The following RYR2 variants were observed in gnomAD, a reference collection of about 807,000 sequenced individuals.
RYR2 encodes cardiac muscle ryanodine receptor-calcium release channel.
In RYR2, 227 loss-of-function variants were observed where a neutral mutation model predicts 601.1. That is an observed-to-expected ratio of 0.38 (90% CI 0.34 to 0.42). The LOEUF is 0.42. RYR2 is among the 10% of genes least tolerant of loss of function. The pLI, the probability that RYR2 is intolerant of heterozygous loss-of-function variation, is 1.00. For missense variants in RYR2, 4,646 were observed against 6,156.5 expected (o/e 0.75, Z 8.21); for synonymous variants, 2,223 against 2,175.1 (o/e 1.02, Z -0.61).
intron 1 of RYR2, among the ~76,000 whole-genome samples, chr1:237,089,972 C>T (rs1282534896): frequency 6.6e-6 from 1 of 152,206 alleles, no homozygotes; most frequent in African/African-American, 2.4e-5. Flanking sequence ...CACAGTTCCA[C>T]ATGGCTGGGG....
At chr1:237,445,784 T>G (rs987720364) in intron 14 of RYR2, among the ~76,000 whole-genome samples, 3 of 152,062 alleles carry the variant, frequency 2.0e-5, no homozygotes, top group Non-Finnish European at 2.9e-5. Flanking sequence ...ATGACTACTT[T>G]TCCTTGTACT....
chr1:237,594,895 T>TTTTTGG (rs1559084043), intron 33 of RYR2, among the ~76,000 whole-genome samples: 2 of 18,780 alleles, frequency 1.1e-4, no homozygotes, highest in African/African-American at 3.4e-4. Flanking sequence ...GGTTTTTTTT[T>TTTTTGG]TTTTTTTTTT....
In RYR2 at chr1:237,783,895, A is replaced by G. The variant is rs1429652269; in HGVS notation, c.12183A>G (p.Ser4061=). Residue 4061 remains serine (S), a synonymous_variant, in exon 90 of 105, where the codon TCA becomes TCG. Transcript: ENST00000366574. ...AGAGCCATAAGCACTACACGCAGTC[A>G]GAAACGGAATTTCTTTTGTCTTGTG... ...AMESHKHYTQ[S]ETEFLLSCAE... is the part of the protein sequence containing the mutation. 1.2e-6 allele frequency: 2 copies of G among 1,613,648 alleles called. No homozygotes were observed. Among genetic ancestry groups the G allele is most frequent in the African/African-American group, 2.7e-5 (2 of 74,948 alleles).
At chr1:237,738,188 C>G (rs962750236) in intron 79 of RYR2, among the ~76,000 whole-genome samples, 1 of 152,058 alleles carries the variant, frequency 6.6e-6, no homozygotes, top group Admixed American at 6.6e-5. Flanking sequence ...CACTGCAGGT[C>G]CCTTGGAAGG....
intron 80 of RYR2, among the ~76,000 whole-genome samples, chr1:237,752,303 C>T (rs770874902): frequency 6.6e-6 from 1 of 152,098 alleles, no homozygotes; most frequent in Non-Finnish European, 1.5e-5. Context: ...CAGGTGCACA[C>T]CACGAAGCCT....
chr1:237,573,469 T>A (rs1672911494), intron 29 of RYR2, among the ~76,000 whole-genome samples: 2 of 150,428 alleles, frequency 1.3e-5, no homozygotes, highest in African/African-American at 4.9e-5. Flanking sequence ...GAAAGACTGA[T>A]ATGGCCATCC....
At chr1:237,270,386 T>G (rs1689559821) in intron 1 of RYR2, 111 bp from the exon 2 acceptor site, 7 of 1,433,038 alleles carry the variant, frequency 4.9e-6, no homozygotes, top group Non-Finnish European at 2.9e-6. Context: ...GTTTTTACAT[T>G]CGGCACAGAT....
At chr1:237,187,549 TCCTC>T (rs1196133417) in intron 1 of RYR2, among the ~76,000 whole-genome samples, 1 of 141,846 alleles carries the variant, frequency 7.0e-6, no homozygotes, top group Non-Finnish European at 1.5e-5. Flanking sequence ...GCTCAAGCAA[TCCTC>T]CCACCTCAGC....
At chr1:237,220,383 G>A (rs919149434) in intron 1 of RYR2, among the ~76,000 whole-genome samples, 1 of 152,180 alleles carries the variant, frequency 6.6e-6, no homozygotes, top group Non-Finnish European at 1.5e-5. Context: ...GGGGCTCTCA[G>A]GCCTGACCGG....
Position 237,770,837 on chromosome 1 carries a change from C to T in RYR2, c.11507C>T (p.Thr3836Ile), listed in dbSNP as rs1421239060. The T allele has an allele frequency of 6.4e-7, 1 of 1,554,232 alleles. No homozygotes were observed. The highest frequency in any genetic ancestry group is 1.4e-5 in the African/African-American group (1 of 73,440). Residue 3836 changes from threonine (T) to isoleucine (I), a missense_variant, in exon 85 of 105, where the codon ACC (threonine) becomes ATC (isoleucine). By Grantham distance (89) the Thr-to-Ile change is moderately conservative (BLOSUM62 -1). Transcript: ENST00000366574. The part of the protein sequence containing the change: ...GEKVLQDDEF[T>I]CDLFRFLQLL... ...AAGGTTCTGCAGGACGATGAGTTCA[C>T]CTGTGACCTCTTCCGATTCCTGCAA...
At chr1:237,401,708 T>C (rs770796629) in intron 10 of RYR2, among the ~76,000 whole-genome samples, 1 of 152,224 alleles carries the variant, frequency 6.6e-6, no homozygotes, top group Non-Finnish European at 1.5e-5. Flanking sequence ...CATTCGATCA[T>C]AGGCTACATG....
chr1:237,680,294 G>C (rs548388322), intron 61 of RYR2, among the ~76,000 whole-genome samples, 162 bp from the exon 62 acceptor site: 1 of 152,094 alleles, frequency 6.6e-6, no homozygotes, highest in African/African-American at 2.4e-5. Flanking sequence ...GGCTGGAGAC[G>C]GTAGAGTGAG....
intron 3 of RYR2, among the ~76,000 whole-genome samples, chr1:237,345,890 A>C (rs1698264106): frequency 6.6e-6 from 1 of 151,964 alleles, no homozygotes; most frequent in African/African-American, 2.4e-5. Flanking sequence ...TCCCAAATGA[A>C]ATTACTTGTG....
At chr1:237,383,417 G>GTTTTTTTTTTTTTTTTTTT (rs10567644) in intron 8 of RYR2, among the ~76,000 whole-genome samples, 2 of 50,560 alleles carry the variant, frequency 4.0e-5, no homozygotes, top group Non-Finnish European at 7.5e-5. Flanking sequence ...CTTTTTTCTT[G>GTTTTTTTTTTTTTTTTTTT]TTTTTTTTTT....
intron 1 of RYR2, among the ~76,000 whole-genome samples, chr1:237,127,990 G>A (rs1338183938): frequency 2.6e-4 from 40 of 152,358 alleles, no homozygotes; most frequent in Admixed American, 6.5e-4. Context: ...GGTGGCGGCC[G>A]GGCAGAGGCT....
intron 100 of RYR2, among the ~76,000 whole-genome samples, chr1:237,813,150 G>T (rs1661431335): frequency 6.6e-6 from 1 of 152,134 alleles, no homozygotes; most frequent in African/African-American, 2.4e-5. Context: ...AAGGCAGGAG[G>T]GGAGTGGGAG....
intron 17 of RYR2, among the ~76,000 whole-genome samples, chr1:237,489,994 C>T (rs977960367): frequency 2.6e-5 from 4 of 152,148 alleles, no homozygotes; most frequent in East Asian, 1.9e-4. Context: ...TAGAATACCA[C>T]GCAGCCATAA....
intron 1 of RYR2, among the ~76,000 whole-genome samples, chr1:237,246,546 C>T (rs890259142): frequency 6.6e-6 from 1 of 152,190 alleles, no homozygotes; most frequent in African/African-American, 2.4e-5. Flanking sequence ...AAGCAATCCT[C>T]CTGCTTCAGC....
intron 87 of RYR2, among the ~76,000 whole-genome samples, chr1:237,778,310 A>C (rs1322023637): frequency 6.6e-6 from 1 of 152,040 alleles, no homozygotes; most frequent in East Asian, 1.9e-4. Flanking sequence ...TGAATACAAA[A>C]TAGTGACTAT....
Sources: allele counts gnomAD v4.1 joint callset (sites outside exome capture counted in the v4.1 genomes callset), GRCh38; gene constraint gnomAD v4.1.1; transcripts MANE v1.5; gene names NCBI Gene and HGNC (gene_info 2026-07-23, HGNC 2026-07-21).